PLEKHD1: variants seen among roughly 807,000 people sequenced by gnomAD.
PLEKHD1 encodes the protein pleckstrin homology and coiled-coil domain containing D1.
In PLEKHD1, 51 loss-of-function variants were observed where a neutral mutation model predicts 69.2. The observed-to-expected ratio is 0.74, with a 90% CI of 0.59 to 0.93. PLEKHD1 has a LOEUF of 0.93. Ranked by LOEUF, PLEKHD1 falls within the 40% of genes least tolerant of loss-of-function variation. PLEKHD1 has a pLI of 0.00. For synonymous variants in PLEKHD1, 236 were observed against 244.7 expected, an observed-to-expected ratio of 0.96 and a Z score of 0.33; for missense variants, 584 against 641.0, an observed-to-expected ratio of 0.91 and a Z score of 0.96.
At position 69,506,891 on chromosome 14, in the gene PLEKHD1, C is replaced by CTTTTTTTTTT. The variant is rs1162412450; in HGVS notation, c.555+4031_555+4040dup. On this transcript the variant is annotated intron_variant, in intron 6 of 12. Coordinates refer to ENST00000322564, the MANE Select transcript of PLEKHD1 (RefSeq NM_001161498.2). ...ACTGTCCTAAAAATCCTGGCAACTG[C>CTTTTTTTTTT]TTTTTTTTTTTTTTTTTTTTTTTTT... Among the ~76,000 whole-genome samples, 102 of 78,064 alleles carry CTTTTTTTTTT rather than the reference C, an allele frequency of 1.3e-3. 13 individuals are homozygous for CTTTTTTTTTT. The highest frequency in any genetic ancestry group is 4.5e-3 in the African/African-American group (78 of 17,436). 51.2% of individuals were successfully genotyped at this position (78,064 alleles called of 152,430 possible).
chr14:69,509,802 G>A (rs576192683), intron 6 of PLEKHD1, among the ~76,000 whole-genome samples: 1 of 152,190 alleles, frequency 6.6e-6, no homozygotes, highest in African/African-American at 2.4e-5. Context: ...GCCAGGCGTG[G>A]TGGCGGGCGC....
At chr14:69,508,054 C>A (rs990280156) in intron 6 of PLEKHD1, among the ~76,000 whole-genome samples, 2 of 152,194 alleles carry the variant, frequency 1.3e-5, no homozygotes, top group African/African-American at 4.8e-5. Flanking sequence ...TTTGCAATTA[C>A]CTAATCATAT....
chr14:69,484,980 G>T lies in PLEKHD1; in HGVS notation c.15G>T (p.Lys5Asn). 1 of 1,551,126 alleles carries T rather than the reference G, an allele frequency of 6.4e-7. No homozygotes were observed. Among genetic ancestry groups the T allele is most frequent in the Non-Finnish European group, 8.7e-7 (1 of 1,146,854 alleles). MFTS[K>N]SNSVSPSPSL... ...GCTGAGGCAGGATGTTCACGTCCAA[G>T]TCCAACTCGGTGTCGCCCTCGCCGT... Residue 5 changes from lysine to asparagine, a missense_variant, in exon 1 of 13, where the codon AAG becomes AAT. By Grantham distance (94) the Lys-to-Asn change is moderately conservative. Coordinates refer to ENST00000322564, the MANE Select transcript of PLEKHD1 (RefSeq NM_001161498.2).
intron 6 of PLEKHD1, among the ~76,000 whole-genome samples, chr14:69,513,894 A>G (rs957261192): frequency 2.0e-5 from 3 of 152,102 alleles, no homozygotes; most frequent in African/African-American, 7.2e-5. Flanking sequence ...TATTCTCTCA[A>G]TACTTTAAAT....
chr14:69,476,213 G>A, the PLEKHD1 span, among the ~76,000 whole-genome samples: 4 of 144,838 alleles, frequency 2.8e-5, no homozygotes, highest in African/African-American at 5.3e-5. Context: ...AGCCGAGATC[G>A]AGGCACTGCA....
chr14:69,470,080 G>GT, the PLEKHD1 span, among the ~76,000 whole-genome samples: 2 of 152,076 alleles, frequency 1.3e-5, no homozygotes, highest in African/African-American at 4.8e-5. Context: ...TTTAATTACA[G>GT]TTTTTCATTT....
chr14:69,469,911 G>A, the PLEKHD1 span, among the ~76,000 whole-genome samples: 2 of 151,538 alleles, frequency 1.3e-5, no homozygotes, highest in Non-Finnish European at 2.9e-5. Flanking sequence ...TAGTAGAGAC[G>A]GGGTTTCATC....
chr14:69,475,885 C>T, the PLEKHD1 span, among the ~76,000 whole-genome samples: 2 of 152,162 alleles, frequency 1.3e-5, no homozygotes, highest in African/African-American at 4.8e-5. Flanking sequence ...GTAGAGGAGC[C>T]CAAGGCCCAT....
At chr14:69,480,850 G>A (rs575610498), upstream of PLEKHD1, among the ~76,000 whole-genome samples, 2 of 152,172 alleles carry the variant, frequency 1.3e-5, no homozygotes, top group African/African-American at 2.4e-5. Flanking sequence ...ATGGAGTTTC[G>A]CCATGTTGGC....
At chr14:69,522,460 TC>T in intron 7 of PLEKHD1, 83 bp downstream of exon 7, 7 of 1,371,106 alleles carry the variant, frequency 5.1e-6, no homozygotes, top group Non-Finnish European at 6.0e-6. Context: ...TGAGGAGGCC[TC>T]CACCTCAGAG....
intron 6 of PLEKHD1, among the ~76,000 whole-genome samples, chr14:69,520,098 C>T (rs948161038): frequency 1.6e-5 from 2 of 128,280 alleles, no homozygotes; most frequent in Non-Finnish European, 1.6e-5. Flanking sequence ...ACCAGGGAGG[C>T]GGAGTTTGCA....
the PLEKHD1 span, among the ~76,000 whole-genome samples, chr14:69,469,179 CAG>C: frequency 6.0e-3 from 894 of 148,438 alleles, 8 homozygotes; most frequent in African/African-American, 0.019. Context: ...CACATGTACA[CAG>C]AGAGAGAGAG....
At chr14:69,512,209 C>G (rs1445964187) in intron 6 of PLEKHD1, among the ~76,000 whole-genome samples, 1 of 151,182 alleles carries the variant, frequency 6.6e-6, no homozygotes, top group Admixed American at 6.6e-5. Context: ...TCTTTATTAT[C>G]CTTTTAATGT....
intron 1 of PLEKHD1, among the ~76,000 whole-genome samples, chr14:69,497,203 TC>T (rs1246103827): frequency 6.6e-6 from 1 of 152,198 alleles, no homozygotes; most frequent in African/African-American, 2.4e-5. Flanking sequence ...GTTGTTATTA[TC>T]CCCATTCTAT....
chr14:69,526,217 C>T, intron 9 of PLEKHD1, 95 bp downstream of exon 9: 1 of 1,303,144 alleles, frequency 7.7e-7, no homozygotes, highest in South Asian at 1.6e-5. Flanking sequence ...CTACTTGGCA[C>T]TGACCAAGTA....
At position 69,530,690 on chromosome 14, in the gene PLEKHD1, T is replaced by C. The variant is rs755805337; in HGVS notation, c.*2271T>C. On this transcript the variant is annotated 3_prime_UTR_variant, in exon 13 of 13. Transcript: ENST00000322564. ...TGTACTGGCTCACAGATATGGTGGC[T>C]AAGACGTCCAATATCAAGGTGCTGG... 1 of 152,248 alleles carries C rather than the reference T, an allele frequency of 6.6e-6. No individual in the cohort carries two copies. Among genetic ancestry groups the C allele is most frequent in the Non-Finnish European group, 1.5e-5 (1 of 68,050 alleles). The allele number at this position is 152,248 out of a possible 1,614,324, so 9.4% of individuals were successfully genotyped here.
At chr14:69,484,083 C>T (rs941114664), upstream of PLEKHD1, among the ~76,000 whole-genome samples, 1 of 152,234 alleles carries the variant, frequency 6.6e-6, no homozygotes, top group East Asian at 1.9e-4. Flanking sequence ...AAATCCGATC[C>T]GATGCGCGCT....
chr14:69,501,099 G>GT (rs1434686474), intron 4 of PLEKHD1, 152 bp downstream of exon 4: 2 of 772,030 alleles, frequency 2.6e-6, no homozygotes, highest in Non-Finnish European at 4.3e-6. Context: ...GACAGGCCAG[G>GT]TTTTAGAGCA....
the PLEKHD1 span, among the ~76,000 whole-genome samples, chr14:69,478,959 G>C: frequency 1.4e-4 from 21 of 152,220 alleles, no homozygotes; most frequent in Admixed American, 1.4e-3. Flanking sequence ...GGACTAGACT[G>C]TGAAGGGTGT....
Sources: gnomAD v4.1 joint callset for allele counts (sites outside exome capture counted in the v4.1 genomes callset) on GRCh38, gnomAD v4.1.1 for gene constraint, MANE v1.5 for transcripts, NCBI Gene and HGNC (gene_info 2026-07-23, HGNC 2026-07-21) for gene names.